The following BAZ1A variants were observed in gnomAD, a reference collection of about 807,000 sequenced individuals.
BAZ1A encodes the protein bromodomain adjacent to zinc finger domain 1A.
Under a neutral mutation model 185.2 loss-of-function variants are expected in BAZ1A, and 50 were observed. The ratio of observed to expected loss-of-function variants is 0.27; its 90% CI spans 0.22 to 0.34. The LOEUF (loss-of-function observed/expected upper bound fraction) is 0.34, where lower values mean the gene tolerates loss of function less well. BAZ1A is among the 10% of genes least tolerant of loss of function. The probability of loss-of-function intolerance (pLI) is 1.00; values close to 1 mark genes in which losing one functional copy is unlikely to be tolerated. For synonymous variants in BAZ1A, 571 were observed against 615.6 expected, an observed-to-expected ratio of 0.93 and a Z score of 1.07; for missense variants, 1,356 against 1,839.9, an observed-to-expected ratio of 0.74 and a Z score of 4.81.
At chr14:34,869,155 C>T (rs1320100651) in intron 2 of BAZ1A, among the ~76,000 whole-genome samples, 1 of 151,464 alleles carries the variant, frequency 6.6e-6, no homozygotes, top group Non-Finnish European at 1.5e-5. Context: ...TGCAGTGAGC[C>T]GAGATCTCAT....
rs937996164 is a variant in BAZ1A at position 34,795,877 on chromosome 14, A to G, written c.1129-112T>C. 6 of 717,198 alleles carry G rather than the reference A, an allele frequency of 8.4e-6. No individual in the cohort carries two copies. The African/African-American group carries it at 1.1e-4, about 13-fold the overall frequency. The allele number at this position is 717,198 out of a possible 1,614,324, so 44.4% of individuals were successfully genotyped here. A position where few individuals can be genotyped will look rare whatever the true frequency, so the allele number is the denominator to read the frequency against. Reference sequence around the variant, plus strand: ...AATACTTGGACCTTACCCCATACCTACTGAAGCAGTAACTCTGAGGTTAGG... The same window carrying G: ...AATACTTGGACCTTACCCCATACCTGCTGAAGCAGTAACTCTGAGGTTAGG... On this transcript the variant is annotated intron_variant, in intron 9 of 26. Transcript: ENST00000360310.
At chr14:34,846,397 T>G (rs993966146) in intron 3 of BAZ1A, among the ~76,000 whole-genome samples, 15 of 152,222 alleles carry the variant, frequency 9.9e-5, no homozygotes, top group African/African-American at 3.6e-4. Flanking sequence ...ACCAAGGACT[T>G]TCTTATGAGG....
chr14:34,764,710 ACTT>A lies in BAZ1A; in HGVS notation c.3770_3772del (p.Glu1257del), dbSNP rs1381280643. On this transcript the variant is annotated inframe_deletion, in exon 23 of 27. Transcript: ENST00000360310. Reference sequence around the variant, plus strand: ...TTTATTGCATGTTAGGACTTACCTGACTTCTTCCTCTTCTTGAGAGTCATCTTC... The same window carrying A: ...TTTATTGCATGTTAGGACTTACCTGACTTCCTCTTCTTGAGAGTCATCTTC... 6 of 1,603,280 alleles carry A rather than the reference ACTT, an allele frequency of 3.7e-6. No individual in the cohort carries two copies. In the Admixed American group the frequency reaches 8.7e-5, roughly 23 times the overall value.
intron 1 of BAZ1A, 45 bp downstream of exon 1, chr14:34,875,093 C>T: frequency 2.8e-6 from 1 of 362,218 alleles, no homozygotes; most frequent in African/African-American, 2.1e-5. Flanking sequence ...CCCGGCTCGC[C>T]TCCACTTCCC....
chr14:34,794,873 T>C lies in BAZ1A; in HGVS notation c.1239A>G (p.Pro413=), dbSNP rs146784386. Residue 413 remains proline (P), a synonymous_variant, in exon 11 of 27, where the codon CCA becomes CCG. Transcript: ENST00000360310. ...ECDDLKELPE[P]TPVKTRLPPE... ...GAGGTAGTCTAGTTTTCACTGGTGTTGGTTCTGGAAGTTCCTGAAATATTG... is the reference window on the plus strand; with the variant it reads ...GAGGTAGTCTAGTTTTCACTGGTGTCGGTTCTGGAAGTTCCTGAAATATTG... 1.2e-6 allele frequency: 2 copies of C among 1,612,518 alleles called. No homozygotes were observed. Among genetic ancestry groups the C allele is most frequent in the Non-Finnish European group, 1.7e-6 (2 of 1,179,664 alleles).
At chr14:34,760,096 C>A (rs1156695721) in intron 24 of BAZ1A, among the ~76,000 whole-genome samples, 3 of 152,154 alleles carry the variant, frequency 2.0e-5, no homozygotes, top group African/African-American at 7.2e-5. Flanking sequence ...GTAGTATAGT[C>A]CATATATGTA....
intron 25 of BAZ1A, among the ~76,000 whole-genome samples, chr14:34,757,431 A>C (rs1389731861): frequency 6.7e-6 from 1 of 150,010 alleles, no homozygotes; most frequent in Admixed American, 6.7e-5. Flanking sequence ...TTGGGAGGCC[A>C]AGGTGGGCAG....
At chr14:34,865,696 A>G (rs2042846725) in intron 2 of BAZ1A, among the ~76,000 whole-genome samples, 2 of 152,230 alleles carry the variant, frequency 1.3e-5, no homozygotes, top group African/African-American at 4.8e-5. Context: ...CAGTACAAAG[A>G]AGATCCTTTT....
chr14:34,759,171 GTTTTTTTTTTTTT>G (rs780287749), intron 24 of BAZ1A, among the ~76,000 whole-genome samples: 5 of 66,468 alleles, frequency 7.5e-5, no homozygotes, highest in African/African-American at 1.3e-4. Context: ...TACAGCTACA[GTTTTTTTTTTTTT>G]TTTTTTTTTT....
intron 2 of BAZ1A, among the ~76,000 whole-genome samples, chr14:34,866,502 A>AAAAAAAAAAAAAAAAAAAAAG: frequency 1.1e-4 from 9 of 79,536 alleles, no homozygotes; most frequent in Non-Finnish European, 1.7e-4. Flanking sequence ...AAAAAAAAAA[A>AAAAAAAAAAAAAAAAAAAAAG]GAAAAAAGTT....
chr14:34,761,767 T>C lies in BAZ1A; in HGVS notation c.4233A>G (p.Arg1411=), dbSNP rs763723040. The C allele has an allele frequency of 1.2e-6, 2 of 1,611,110 alleles. No homozygotes were observed. The highest frequency in any genetic ancestry group is 4.5e-5 in the East Asian group (2 of 44,854). ...TAGATTTCTTCATACCTGGAGATTG[T>C]CTTTTTCTGCATCTTCTTTTGGATT... is the stretch of plus-strand genomic sequence containing the variant. ...ESESKRRCRK[R]QSPEPSPVTL... The change falls in exon 24 of 27, where the codon AGA becomes AGG. Residue 1411 remains arginine (R), a synonymous_variant. Transcript: ENST00000360310.
At chr14:34,868,694 G>A (rs1350102136) in intron 2 of BAZ1A, among the ~76,000 whole-genome samples, 1 of 151,890 alleles carries the variant, frequency 6.6e-6, no homozygotes. Flanking sequence ...CTAGCTACTC[G>A]GGACGCTGAG....
chr14:34,868,070 C>A (rs564473794), intron 2 of BAZ1A, among the ~76,000 whole-genome samples: 1 of 152,282 alleles, frequency 6.6e-6, no homozygotes, highest in Non-Finnish European at 1.5e-5. Flanking sequence ...TTTATGACTG[C>A]GCTCTTTCAA....
intron 25 of BAZ1A, 181 bp downstream of exon 25, chr14:34,758,523 T>C (rs1594806172): frequency 2.0e-6 from 1 of 512,704 alleles, no homozygotes; most frequent in Non-Finnish European, 3.3e-6. Context: ...GAGCTTGCAG[T>C]GAGCCGAGAT....
chr14:34,832,189 T>TAC (rs1279966806), intron 3 of BAZ1A, among the ~76,000 whole-genome samples: 1 of 65,946 alleles, frequency 1.5e-5, no homozygotes, highest in African/African-American at 5.1e-5. Flanking sequence ...CATATATACA[T>TAC]ATACACACAC....
At chr14:34,856,969 T>C (rs1024808741) in intron 3 of BAZ1A, among the ~76,000 whole-genome samples, 1 of 150,886 alleles carries the variant, frequency 6.6e-6, no homozygotes, top group Non-Finnish European at 1.5e-5. Flanking sequence ...CAAAGATGGC[T>C]AAACTGATAC....
intron 8 of BAZ1A, among the ~76,000 whole-genome samples, chr14:34,800,634 G>T (rs925372956): frequency 6.6e-6 from 1 of 152,174 alleles, no homozygotes; most frequent in African/African-American, 2.4e-5. Context: ...TACCCAAAGT[G>T]TGATCTGAAG....
intron 3 of BAZ1A, among the ~76,000 whole-genome samples, chr14:34,830,656 G>A (rs1374721382): frequency 6.6e-6 from 1 of 151,376 alleles, no homozygotes; most frequent in Non-Finnish European, 1.5e-5. Flanking sequence ...TATGGTATGT[G>A]AAATATATCT....
intron 25 of BAZ1A, among the ~76,000 whole-genome samples, chr14:34,757,724 GTCTAAC>G: frequency 6.7e-6 from 1 of 149,068 alleles, no homozygotes; most frequent in South Asian, 2.2e-4. Flanking sequence ...GGACTGAGCT[GTCTAAC>G]TCTATTGTTT....
Sources: gnomAD v4.1 joint callset for allele counts (sites outside exome capture counted in the v4.1 genomes callset) on GRCh38, gnomAD v4.1.1 for gene constraint, MANE v1.5 for transcripts, NCBI Gene and HGNC (gene_info 2026-07-23, HGNC 2026-07-21) for gene names.